The following WASL variants were observed in gnomAD, a reference collection of about 807,000 sequenced individuals.
WASL encodes the protein actin nucleation-promoting factor WASL.
WASL carries 20 observed loss-of-function variants against 55.5 expected under a neutral mutation model. The ratio of observed to expected loss-of-function variants is 0.36; its 90% CI spans 0.25 to 0.52. The LOEUF (loss-of-function observed/expected upper bound fraction) is 0.52, where lower values mean the gene tolerates loss of function less well. Ranked by LOEUF, WASL falls within the 20% of genes least tolerant of loss-of-function variation. WASL has a pLI of 0.92. For synonymous variants in WASL, 249 were observed against 217.6 expected (o/e 1.14, Z -1.27); for missense variants, 504 against 622.5 (o/e 0.81, Z 2.03).
At position 123,683,328 on chromosome 7, in the gene WASL, C is replaced by T. The variant is rs1803231049; in HGVS notation, c.*1191G>A. 1 of 151,626 alleles carries T rather than the reference C, an allele frequency of 6.6e-6. No homozygotes were observed. The highest frequency in any genetic ancestry group is 2.1e-4 in the South Asian group (1 of 4,806). The allele number at this position is 151,626 out of a possible 1,614,324, so 9.4% of individuals were successfully genotyped here. A position where few individuals can be genotyped will look rare whatever the true frequency, so the allele number is the denominator to read the frequency against. On this transcript the variant is annotated 3_prime_UTR_variant, in exon 11 of 11. Transcript: ENST00000223023. Reference sequence around the variant, plus strand: ...GCAAAGAAACCCTAATTTTAACACACCATTTAGTATGCATAACAAATGTGC... The same window carrying T: ...GCAAAGAAACCCTAATTTTAACACATCATTTAGTATGCATAACAAATGTGC...
chr7:123,689,212 G>C (rs1803354032), intron 9 of WASL, 62 bp from the exon 10 acceptor site: 3 of 1,386,708 alleles, frequency 2.2e-6, no homozygotes, highest in Non-Finnish European at 2.0e-6. Flanking sequence ...TTTGTCTCCA[G>C]AAAGTCCTAC....
In WASL at chr7:123,723,377, T is replaced by A. The variant is rs148740364; in HGVS notation, c.118-14154A>T. ...ACCTTTACTATGTGCAAATCTCAGA[T>A]TGGAGCTGTAACTAAAAAAACACTT... On this transcript the variant is annotated intron_variant, in intron 1 of 10. Transcript: ENST00000223023. 2.5e-3 allele frequency among the ~76,000 whole-genome samples: 376 copies of A among 152,278 alleles called. 3 individuals are homozygous for A. The highest frequency in any genetic ancestry group is 8.4e-3 in the African/African-American group (349 of 41,562).
intron 5 of WASL, among the ~76,000 whole-genome samples, chr7:123,700,231 A>G (rs542332964): frequency 1.3e-5 from 2 of 151,334 alleles, no homozygotes; most frequent in Non-Finnish European, 2.9e-5. Flanking sequence ...GTAAGACTAT[A>G]AAGAAAAATC....
intron 1 of WASL, among the ~76,000 whole-genome samples, chr7:123,709,841 G>A (rs909849383): frequency 2.0e-5 from 3 of 152,194 alleles, no homozygotes; most frequent in African/African-American, 7.2e-5. Flanking sequence ...GTGAGTTTAA[G>A]ATTGTAAGTG....
At chr7:123,689,275 A>AGGACAAACTG (rs1803355649) in intron 9 of WASL, 125 bp from the exon 10 acceptor site, 2 of 680,554 alleles carry the variant, frequency 2.9e-6, no homozygotes, top group Admixed American at 2.7e-5. Context: ...CAAACTGGCA[A>AGGACAAACTG]GCGCAGGACA....
intron 1 of WASL, among the ~76,000 whole-genome samples, chr7:123,713,160 A>G (rs1009520724): frequency 7.3e-5 from 11 of 151,694 alleles, no homozygotes; most frequent in Non-Finnish European, 1.5e-4. Flanking sequence ...TTCTCTTTTT[A>G]TTTTTGAGAC....
intron 2 of WASL, 40 bp downstream of exon 2, chr7:123,709,049 C>G (rs760382094): frequency 6.5e-7 from 1 of 1,536,140 alleles, no homozygotes; most frequent in Admixed American, 2.0e-5. Context: ...TATAGAAAAC[C>G]TAATCACCTA....
intron 1 of WASL, among the ~76,000 whole-genome samples, chr7:123,733,655 A>G (rs914579014): frequency 6.6e-6 from 1 of 152,210 alleles, no homozygotes; most frequent in Admixed American, 6.5e-5. Context: ...GACTCAGAAT[A>G]GTCAACACAA....
chr7:123,704,611 T>C (rs142242617), intron 5 of WASL, 23 bp downstream of exon 5: 4 of 1,505,216 alleles, frequency 2.7e-6, no homozygotes, highest in African/African-American at 1.4e-5. Flanking sequence ...TCTTAAAAGA[T>C]TAATAATTGT....
chr7:123,742,628 TC>T (rs1299196704), intron 1 of WASL, among the ~76,000 whole-genome samples: 4 of 152,140 alleles, frequency 2.6e-5, no homozygotes, highest in Admixed American at 2.6e-4. Context: ...TAAAAATAAT[TC>T]CATCTTAACC....
intron 1 of WASL, among the ~76,000 whole-genome samples, chr7:123,712,165 T>C (rs1193216397): frequency 2.0e-5 from 3 of 152,176 alleles, no homozygotes; most frequent in Non-Finnish European, 4.4e-5. Context: ...TTTGGTTTTT[T>C]TTTCACATTT....
In WASL at chr7:123,744,239, C is replaced by T. The variant is rs368840686; in HGVS notation, c.117+4379G>A. 5.9e-5 allele frequency among the ~76,000 whole-genome samples: 9 copies of T among 152,138 alleles called. No individual in the cohort carries two copies. In the East Asian group the frequency reaches 1.2e-3, roughly 20 times the overall value. ...GTTCAGCAGCACAACTAAACCATTT[C>T]GGTCGCTTAATAAATGAAGACTAAA... On this transcript the variant is annotated intron_variant, in intron 1 of 10. Transcript: ENST00000223023.
At chr7:123,694,891 A>G in intron 7 of WASL, 23 bp from the exon 8 acceptor site, 2 of 1,587,394 alleles carry the variant, frequency 1.3e-6, no homozygotes, top group Non-Finnish European at 1.7e-6. Context: ...GTAACTGCTA[A>G]CTATAAAAAT....
At chr7:123,716,208 A>G (rs1259213059) in intron 1 of WASL, among the ~76,000 whole-genome samples, 1 of 151,962 alleles carries the variant, frequency 6.6e-6, no homozygotes, top group Admixed American at 6.6e-5. Flanking sequence ...CAATCAGTTT[A>G]TTTTTATTTT....
intron 1 of WASL, chr7:123,720,238 A>T (rs1227384020): frequency 2.4e-6 from 1 of 413,906 alleles, no homozygotes; most frequent in East Asian, 7.0e-5. Flanking sequence ...AATCTTCAGA[A>T]TCTTAAAATT....
chr7:123,729,547 C>T (rs932594764), intron 1 of WASL, among the ~76,000 whole-genome samples: 3 of 152,078 alleles, frequency 2.0e-5, no homozygotes, highest in African/African-American at 7.2e-5. Context: ...TCCTAGCATT[C>T]CATGGAAGAT....
intron 10 of WASL, among the ~76,000 whole-genome samples, chr7:123,687,374 C>A (rs1439804541): frequency 6.6e-6 from 1 of 152,122 alleles, no homozygotes; most frequent in African/African-American, 2.4e-5. Flanking sequence ...CCTACTACTT[C>A]TTGTATTTCA....
intron 1 of WASL, among the ~76,000 whole-genome samples, 159 bp from the exon 2 acceptor site, chr7:123,709,382 A>G (rs1803720981): frequency 6.6e-6 from 1 of 152,246 alleles, no homozygotes; most frequent in Non-Finnish European, 1.5e-5. Context: ...ATTTTAAGCC[A>G]CTAGTTTCTG....
intron 1 of WASL, among the ~76,000 whole-genome samples, chr7:123,713,067 C>T (rs1249779498): frequency 6.6e-6 from 1 of 152,068 alleles, no homozygotes; most frequent in African/African-American, 2.4e-5. Flanking sequence ...TGATTTAATA[C>T]TGAATAACTG....
Sources: allele counts gnomAD v4.1 joint callset (sites outside exome capture counted in the v4.1 genomes callset), GRCh38; gene constraint gnomAD v4.1.1; transcripts MANE v1.5; gene names NCBI Gene and HGNC (gene_info 2026-07-23, HGNC 2026-07-21).